UTP20: variants seen among roughly 807,000 people sequenced by gnomAD.
UTP20 encodes UTP20 small subunit processome component.
Under a neutral mutation model 329.5 loss-of-function variants are expected in UTP20, and 164 were observed. The ratio of observed to expected loss-of-function variants is 0.50; its 90% confidence interval spans 0.44 to 0.57. The LOEUF (loss-of-function observed/expected upper bound fraction) is 0.57. UTP20 is among the 20% of genes least tolerant of loss of function. UTP20 has a pLI of 0.00. For synonymous variants in UTP20, 1,151 were observed against 1,159.3 expected, an observed-to-expected ratio of 0.99 and a Z score of 0.14; for missense variants, 3,055 against 3,284.2, an observed-to-expected ratio of 0.93 and a Z score of 1.71.
intron 56 of UTP20, 116 bp downstream of exon 56, chr12:101,375,872 A>G (rs1192499552): frequency 3.1e-6 from 2 of 652,222 alleles, no homozygotes; most frequent in Non-Finnish European, 5.0e-6. Context: ...TCAGGAAAAG[A>G]GTCCATGAGA....
In UTP20 at chr12:101,383,549, T is replaced by G. The variant is rs762178863; in HGVS notation, c.7936T>G (p.Cys2646Gly). Residue 2646 changes from cysteine (C) to glycine (G), a missense_variant, in exon 60 of 62, where the codon TGC becomes GGC. By Grantham distance (159) the Cys-to-Gly change is radical. Transcript: ENST00000261637. ...AAATGATCTGTACTTTCAGAGAACATGCATCTTTAAGTTCCTCGGCGCCGT... is the reference window on the plus strand; with the variant it reads ...AAATGATCTGTACTTTCAGAGAACAGGCATCTTTAAGTTCCTCGGCGCCGT... Reference protein sequence around the residue: ...YSPRNPLKRTCIFKFLGAVAM... With the variant: ...YSPRNPLKRTGIFKFLGAVAM... The G allele has an allele frequency of 6.2e-7, 1 of 1,612,626 alleles. No homozygotes were observed. The highest frequency in any genetic ancestry group is 8.5e-7 in the Non-Finnish European group (1 of 1,179,568).
At chr12:101,325,802 T>A (rs1868533823) in intron 25 of UTP20, among the ~76,000 whole-genome samples, 1 of 152,250 alleles carries the variant, frequency 6.6e-6, no homozygotes, top group Admixed American at 6.5e-5. Context: ...AGCATTTATT[T>A]CCAATAACTA....
chr12:101,357,262 A>C (rs947355272), intron 43 of UTP20, among the ~76,000 whole-genome samples, 180 bp downstream of exon 43: 1 of 152,176 alleles, frequency 6.6e-6, no homozygotes, highest in African/African-American at 2.4e-5. Context: ...AATAGTTCCT[A>C]TATCTGATTT....
intron 58 of UTP20, 125 bp from the exon 59 acceptor site, chr12:101,382,916 T>G (rs1215356029): frequency 8.4e-7 from 1 of 1,194,686 alleles, no homozygotes; most frequent in Non-Finnish European, 1.1e-6. Flanking sequence ...TGTTAAATAG[T>G]TGTAATACCT....
At chr12:101,294,180 C>G (rs1325613160) in intron 11 of UTP20, among the ~76,000 whole-genome samples, 2 of 152,014 alleles carry the variant, frequency 1.3e-5, no homozygotes, top group African/African-American at 4.8e-5. Context: ...GGACTACAGG[C>G]ACCCACCACC....
intron 21 of UTP20, among the ~76,000 whole-genome samples, chr12:101,314,102 C>G (rs781293752): frequency 5.3e-5 from 8 of 151,896 alleles, no homozygotes; most frequent in African/African-American, 1.9e-4. Context: ...GGGACTGATA[C>G]CAATATTTAG....
intron 47 of UTP20, among the ~76,000 whole-genome samples, 178 bp from the exon 48 acceptor site, chr12:101,367,682 T>G (rs1870141419): frequency 6.6e-6 from 1 of 152,340 alleles, no homozygotes; most frequent in African/African-American, 2.4e-5. Flanking sequence ...CACAGCGAGC[T>G]CTCACTTTGA....
intron 46 of UTP20, among the ~76,000 whole-genome samples, 188 bp downstream of exon 46, chr12:101,365,813 C>A (rs1476760198): frequency 1.3e-5 from 2 of 152,036 alleles, no homozygotes; most frequent in Non-Finnish European, 2.9e-5. Flanking sequence ...TGACAACAGC[C>A]AATTATTTTG....
intron 1 of UTP20, 118 bp from the exon 2 acceptor site, chr12:101,280,998 G>T: frequency 2.5e-6 from 2 of 815,396 alleles, no homozygotes; most frequent in South Asian, 2.1e-5. Context: ...ATGTTTTTCA[G>T]TTTATTTTTC....
intron 19 of UTP20, 54 bp from the exon 20 acceptor site, chr12:101,311,665 A>G (rs1254119157): frequency 1.0e-4 from 149 of 1,471,360 alleles, no homozygotes; most frequent in Non-Finnish European, 1.2e-4. Context: ...TCTATGAGCA[A>G]TCTTAAAATG....
intron 2 of UTP20, among the ~76,000 whole-genome samples, chr12:101,283,659 A>G (rs1246624404): frequency 6.6e-6 from 1 of 152,204 alleles, no homozygotes; most frequent in African/African-American, 2.4e-5. Flanking sequence ...TTTCTGCCTT[A>G]AAGGACATGA....
chr12:101,357,483 G>A (rs1178638740), intron 43 of UTP20, among the ~76,000 whole-genome samples: 1 of 152,184 alleles, frequency 6.6e-6, no homozygotes, highest in East Asian at 1.9e-4. Flanking sequence ...GGGTGCAGTG[G>A]CTTATGCCTG....
rs575669791 is a variant in UTP20, at chr12:101,333,199, C to T, written c.3418-102C>T. On this transcript the variant is annotated intron_variant, in intron 27 of 61. Coordinates refer to ENST00000261637, the MANE Select transcript of UTP20 (RefSeq NM_014503.3). Reference sequence around the variant, plus strand: ...GTCAACAGATTTAGTAACAGGATTTCCAGTTTGATTCTTAGCCACCTGAGC... The same window carrying T: ...GTCAACAGATTTAGTAACAGGATTTTCAGTTTGATTCTTAGCCACCTGAGC... 4.5e-4 allele frequency: 513 copies of T among 1,130,314 alleles called. 5 individuals carry two copies. Among genetic ancestry groups the T allele is most frequent in the Non-Finnish European group, 5.1e-5 (41 of 807,986 alleles). The allele number at this position is 1,130,314 out of a possible 1,614,324, so 70.0% of individuals were successfully genotyped here. A position where few individuals can be genotyped will look rare whatever the true frequency, so the allele number is the denominator to read the frequency against.
At chr12:101,288,482 C>T (rs572124602) in intron 5 of UTP20, among the ~76,000 whole-genome samples, 32 of 152,270 alleles carry the variant, frequency 2.1e-4, no homozygotes, top group African/African-American at 6.0e-4. Flanking sequence ...GATTAAATGG[C>T]GTAACACAGA....
intron 15 of UTP20, among the ~76,000 whole-genome samples, chr12:101,303,284 G>A (rs929331879): frequency 2.0e-5 from 3 of 152,248 alleles, no homozygotes; most frequent in Non-Finnish European, 4.4e-5. Flanking sequence ...TAATGCTCTA[G>A]CCAGAAGAGG....
In UTP20 at chr12:101,320,922, A is replaced by G. The variant is rs769612197; in HGVS notation, c.2900A>G (p.His967Arg). 1.2e-6 allele frequency: 2 copies of G among 1,608,990 alleles called. No homozygotes were observed. Among genetic ancestry groups the G allele is most frequent in the African/African-American group, 1.3e-5 (1 of 74,886 alleles). ...LDCIMTYKHP[H>R]VLPYRENLQR... ...TGCATAATGACATATAAACATCCTCATGTCCTCCCTTACAGGTAAGTTACT... is the reference window on the plus strand; with the variant it reads ...TGCATAATGACATATAAACATCCTCGTGTCCTCCCTTACAGGTAAGTTACT... The change falls in exon 24 of 62, where the codon CAT becomes CGT. Residue 967 changes from histidine (H) to arginine (R), a missense_variant. Coordinates refer to ENST00000261637, the MANE Select transcript of UTP20 (RefSeq NM_014503.3).
chr12:101,356,722 G>C (rs747840182), intron 42 of UTP20, 29 bp downstream of exon 42: 22 of 1,583,884 alleles, frequency 1.4e-5, no homozygotes, highest in Non-Finnish European at 1.8e-5. Context: ...TAGAAGTTTA[G>C]TGAAACTCAA....
At chr12:101,370,645 G>T in intron 50 of UTP20, 82 bp downstream of exon 50, 1 of 1,418,604 alleles carries the variant, frequency 7.0e-7, no homozygotes, top group Non-Finnish European at 9.6e-7. Flanking sequence ...ATAGTGTTTT[G>T]ACTAGTCATA....
At position 101,320,911 on chromosome 12, in the gene UTP20, T is replaced by A; in HGVS notation, c.2889T>A (p.Tyr963Ter). The A allele has an allele frequency of 6.2e-7, 1 of 1,611,058 alleles. No homozygotes were observed. The highest frequency in any genetic ancestry group is 1.7e-5 in the Admixed American group (1 of 59,220). ...TAACCTTGGATTGCATAATGACATA[T>A]AAACATCCTCATGTCCTCCCTTACA... ...QKITLDCIMT[Y>*]KHPHVLPYRE... is the part of the protein sequence containing the mutation. Residue 963 changes from tyrosine (Y) to a stop codon, truncating the protein, a stop_gained, in exon 24 of 62, where the codon TAT becomes TAA. Coordinates refer to ENST00000261637, the MANE Select transcript of UTP20 (RefSeq NM_014503.3). LOFTEE classifies it high-confidence loss of function.
Sources: allele counts gnomAD v4.1 joint callset (sites outside exome capture counted in the v4.1 genomes callset), GRCh38; gene constraint gnomAD v4.1.1; transcripts MANE v1.5; gene names NCBI Gene and HGNC (gene_info 2026-07-23, HGNC 2026-07-21).